The following PTK2B variants were observed in gnomAD, a reference collection of about 807,000 sequenced individuals.
PTK2B encodes protein tyrosine kinase 2 beta.
PTK2B carries 71 observed loss-of-function variants against 142.9 expected under a neutral mutation model. The observed-to-expected ratio is 0.50, with a 90% confidence interval of 0.41 to 0.61. PTK2B has a LOEUF of 0.61. Among genes scored for constraint, PTK2B ranks in the 20% least tolerant of loss-of-function variants. PTK2B has a pLI of 0.00. For missense variants in PTK2B, 1,105 were observed against 1,320.4 expected (o/e 0.84, Z 2.53); for synonymous variants, 519 against 503.4 (o/e 1.03, Z -0.42).
chr8:27,392,639 G>A (rs752061982), intron 1 of PTK2B, among the ~76,000 whole-genome samples: 6 of 152,150 alleles, frequency 3.9e-5, no homozygotes, highest in Non-Finnish European at 7.4e-5. Flanking sequence ...CAGGGTGAGC[G>A]CAAGGGAAGA....
chr8:27,311,293 C>G, upstream of PTK2B: 3 of 1,444,376 alleles, frequency 2.1e-6, no homozygotes, highest in South Asian at 1.5e-5. Context: ...CCCACCCGCC[C>G]GGCTGCCAAC....
At chr8:27,452,882 CT>C in intron 27 of PTK2B, 1 of 578,836 alleles carries the variant, frequency 1.7e-6, no homozygotes, top group Non-Finnish European at 3.1e-6. Flanking sequence ...CCCCATCTTG[CT>C]GGGACTTTGC....
At chr8:27,440,743 GC>G (rs1400581312) in intron 21 of PTK2B, among the ~76,000 whole-genome samples, 1 of 152,224 alleles carries the variant, frequency 6.6e-6, no homozygotes, top group East Asian at 1.9e-4. Context: ...AAGTGCCTGT[GC>G]TCTTTGTGAT....
At chr8:27,353,906 T>C (rs1427918553) in intron 1 of PTK2B, among the ~76,000 whole-genome samples, 1 of 152,128 alleles carries the variant, frequency 6.6e-6, no homozygotes, top group Non-Finnish European at 1.5e-5. Context: ...AGCACTCTTT[T>C]AGTTGCAGAT....
At chr8:27,345,894 G>A (rs548754836) in intron 1 of PTK2B, among the ~76,000 whole-genome samples, 46 of 152,170 alleles carry the variant, frequency 3.0e-4, no homozygotes, top group Non-Finnish European at 6.2e-4. Flanking sequence ...TGGGGCCATG[G>A]TGAGGAACTT....
intron 1 of PTK2B, among the ~76,000 whole-genome samples, chr8:27,345,597 G>A (rs1020636856): frequency 2.0e-5 from 3 of 152,198 alleles, no homozygotes; most frequent in Non-Finnish European, 2.9e-5. Context: ...TTCTGTTTGT[G>A]AATCCTGGGA....
chr8:27,443,945 C>G (rs1423781480), intron 22 of PTK2B, among the ~76,000 whole-genome samples: 1 of 152,232 alleles, frequency 6.6e-6, no homozygotes, highest in Non-Finnish European at 1.5e-5. Context: ...TATAGGGAAG[C>G]AACACATGCA....
At chr8:27,389,130 G>A (rs1707133494) in intron 1 of PTK2B, among the ~76,000 whole-genome samples, 1 of 152,044 alleles carries the variant, frequency 6.6e-6, no homozygotes, top group Admixed American at 6.5e-5. Flanking sequence ...TGTGTGTTTT[G>A]TTCCGTTTTA....
At chr8:27,378,007 A>G (rs781086916) in intron 1 of PTK2B, among the ~76,000 whole-genome samples, 1 of 152,190 alleles carries the variant, frequency 6.6e-6, no homozygotes, top group Non-Finnish European at 1.5e-5. Context: ...CTCACTTGTA[A>G]AAACGAGGGA....
At chr8:27,454,836 T>A (rs529567044) in intron 30 of PTK2B, among the ~76,000 whole-genome samples, 2 of 152,360 alleles carry the variant, frequency 1.3e-5, no homozygotes, top group Admixed American at 1.3e-4. Flanking sequence ...GGTCTCCAGA[T>A]GACGGCAGTG....
intron 1 of PTK2B, among the ~76,000 whole-genome samples, chr8:27,382,221 T>G (rs1431339682): frequency 6.6e-6 from 1 of 152,232 alleles, no homozygotes; most frequent in Non-Finnish European, 1.5e-5. Flanking sequence ...GTGCTGGGAT[T>G]ATAGGTGTGA....
chr8:27,394,358 T>C (rs1185082112), intron 1 of PTK2B, among the ~76,000 whole-genome samples: 4 of 152,224 alleles, frequency 2.6e-5, no homozygotes, highest in African/African-American at 7.2e-5. Context: ...TACAACCCTA[T>C]ACAGCAAGTT....
chr8:27,419,831 G>A, intron 2 of PTK2B, 64 bp from the exon 3 acceptor site: 3 of 1,563,074 alleles, frequency 1.9e-6, no homozygotes, highest in East Asian at 4.5e-5. Flanking sequence ...TCAGGTCTGT[G>A]TGAGAATTAT....
At chr8:27,341,332 C>T (rs1008723398) in intron 1 of PTK2B, among the ~76,000 whole-genome samples, 9 of 152,168 alleles carry the variant, frequency 5.9e-5, no homozygotes, top group Non-Finnish European at 1.0e-4. Context: ...TGTCAGGATA[C>T]GGAGCTCACA....
At chr8:27,396,277 C>G (rs1308679125) in intron 1 of PTK2B, 3 of 152,208 alleles carry the variant, frequency 2.0e-5, no homozygotes, top group Non-Finnish European at 4.4e-5. Flanking sequence ...TGAATAAATA[C>G]ATACAGGCTA....
chr8:27,455,784 T>C (rs1812107027), intron 30 of PTK2B, among the ~76,000 whole-genome samples: 1 of 152,204 alleles, frequency 6.6e-6, no homozygotes, highest in African/African-American at 2.4e-5. Flanking sequence ...AATAAATCTG[T>C]GTTGTTTTGC....
Position 27,435,770 on chromosome 8 carries a change from A to T in PTK2B, c.1220A>T (p.Asp407Val). The T allele has an allele frequency of 6.2e-7, 1 of 1,614,104 alleles. No homozygotes were observed. Among genetic ancestry groups the T allele is most frequent in the Non-Finnish European group, 8.5e-7 (1 of 1,180,034 alleles). ...TCAGACATCTACGCAGAGATTCCCG[A>T]CGAAACCCTGCGAAGGCCCGGAGGT... is the stretch of plus-strand genomic sequence containing the variant. ...IESDIYAEIPDETLRRPGGPQ... is the reference protein window; with the variant it reads ...IESDIYAEIPVETLRRPGGPQ... Residue 407 changes from aspartate (D) to valine (V), a missense_variant, in exon 14 of 31, where the codon GAC becomes GTC. Coordinates refer to ENST00000346049, the MANE Select transcript of PTK2B (RefSeq NM_173176.3).
At chr8:27,336,609 A>G (rs965564687) in intron 1 of PTK2B, among the ~76,000 whole-genome samples, 3 of 152,194 alleles carry the variant, frequency 2.0e-5, no homozygotes, top group Admixed American at 6.5e-5. Context: ...TTAGCGATAC[A>G]TTTTCAATCA....
At chr8:27,344,538 A>G (rs1476618980) in intron 1 of PTK2B, among the ~76,000 whole-genome samples, 3 of 152,244 alleles carry the variant, frequency 2.0e-5, no homozygotes, top group Admixed American at 6.5e-5. Flanking sequence ...GCTGCATGTA[A>G]TAAGTATTCA....
Sources: gnomAD v4.1 joint callset for allele counts (sites outside exome capture counted in the v4.1 genomes callset) on GRCh38, gnomAD v4.1.1 for gene constraint, MANE v1.5 for transcripts, NCBI Gene and HGNC (gene_info 2026-07-23, HGNC 2026-07-21) for gene names.